SMG6: variants seen among roughly 807,000 people sequenced by gnomAD.
SMG6 encodes the protein SMG6 nonsense mediated mRNA decay factor.
A neutral mutation model predicts 142.2 loss-of-function variants in SMG6; 66 were observed. That is an observed-to-expected ratio of 0.46 (90% confidence interval 0.38 to 0.57). The LOEUF is 0.57. Among genes scored for constraint, SMG6 ranks in the 20% least tolerant of loss-of-function variants. The probability of loss-of-function intolerance (pLI) is 0.00; values close to 1 mark genes in which losing one functional copy is unlikely to be tolerated. For missense variants in SMG6, 1,793 were observed against 1,832.0 expected (o/e 0.98, Z 0.39); for synonymous variants, 779 against 702.4 (o/e 1.11, Z -1.72).
At chr17:2,207,284 CA>C (rs970618814) in intron 10 of SMG6, among the ~76,000 whole-genome samples, 1 of 151,826 alleles carries the variant, frequency 6.6e-6, no homozygotes, top group African/African-American at 2.4e-5. Flanking sequence ...GACTGTGACT[CA>C]AAAAAACAAA....
intron 8 of SMG6, among the ~76,000 whole-genome samples, chr17:2,280,039 T>G (rs1296000211): frequency 6.6e-6 from 1 of 152,104 alleles, no homozygotes; most frequent in East Asian, 1.9e-4. Context: ...CAAGTGCTCT[T>G]TGAGGTTAAA....
intron 16 of SMG6, among the ~76,000 whole-genome samples, chr17:2,067,184 G>A (rs2067976454): frequency 6.6e-6 from 1 of 152,170 alleles, no homozygotes; most frequent in South Asian, 2.1e-4. Flanking sequence ...GTATCTGCTG[G>A]GTTTTCTCAT....
At chr17:2,063,721 G>C (rs1381862965) in intron 18 of SMG6, among the ~76,000 whole-genome samples, 2 of 152,246 alleles carry the variant, frequency 1.3e-5, no homozygotes, top group African/African-American at 2.4e-5. Context: ...CTGGGGAGGA[G>C]TTTGGAGGAT....
At chr17:2,110,944 A>G (rs1236653971) in intron 13 of SMG6, among the ~76,000 whole-genome samples, 4 of 152,160 alleles carry the variant, frequency 2.6e-5, no homozygotes, top group Non-Finnish European at 5.9e-5. Flanking sequence ...TGTTACGGCA[A>G]GAGCTGCCTG....
chr17:2,159,159 G>A (rs888697895), intron 13 of SMG6, among the ~76,000 whole-genome samples: 2 of 152,216 alleles, frequency 1.3e-5, no homozygotes, highest in South Asian at 4.1e-4. Context: ...AGTGGCTCAC[G>A]CCTGTAATCT....
At chr17:2,063,446 G>GA (rs2067843296) in intron 18 of SMG6, among the ~76,000 whole-genome samples, 1 of 152,260 alleles carries the variant, frequency 6.6e-6, no homozygotes. Flanking sequence ...ATGTCATTCT[G>GA]ATAGGGGCGG....
chr17:2,291,204 G>T (rs541377137), intron 6 of SMG6, among the ~76,000 whole-genome samples: 1 of 152,062 alleles, frequency 6.6e-6, no homozygotes. Context: ...GGTGGCGGGC[G>T]CCTGTAGTCC....
At chr17:2,119,907 C>G (rs2069632734) in intron 13 of SMG6, among the ~76,000 whole-genome samples, 1 of 152,180 alleles carries the variant, frequency 6.6e-6, no homozygotes, top group Non-Finnish European at 1.5e-5. Flanking sequence ...CGCGATCCAC[C>G]CGCCTCGGCC....
At chr17:2,111,483 C>A (rs2069317636) in intron 13 of SMG6, among the ~76,000 whole-genome samples, 1 of 152,106 alleles carries the variant, frequency 6.6e-6, no homozygotes, top group Non-Finnish European at 1.5e-5. Context: ...GTGATCATAG[C>A]TCACTGCAGC....
At chr17:2,120,807 C>A (rs575794721) in intron 13 of SMG6, among the ~76,000 whole-genome samples, 3 of 152,138 alleles carry the variant, frequency 2.0e-5, no homozygotes, top group Non-Finnish European at 4.4e-5. Flanking sequence ...TCACCACACA[C>A]CTACCAGAAA....
intron 16 of SMG6, among the ~76,000 whole-genome samples, chr17:2,067,373 C>T (rs2067981676): frequency 6.6e-6 from 1 of 152,170 alleles, no homozygotes; most frequent in Non-Finnish European, 1.5e-5. Flanking sequence ...TCTGAGGCAC[C>T]TTACGGCTCT....
intron 2 of SMG6, 96 bp downstream of exon 2, chr17:2,298,810 G>T: frequency 8.9e-7 from 1 of 1,128,198 alleles, no homozygotes; most frequent in Non-Finnish European, 1.3e-6. Flanking sequence ...ATACCCAGTG[G>T]CTCAGCTAAA....
At chr17:2,087,293 T>A in intron 13 of SMG6, 2 of 1,264,578 alleles carry the variant, frequency 1.6e-6, no homozygotes, top group South Asian at 1.3e-5. Flanking sequence ...GCATGACCCA[T>A]GTTCTCTAAG....
chr17:2,299,976 G>A lies in SMG6; in HGVS notation c.777C>T (p.Thr259=). 1 of 1,614,110 alleles carries A rather than the reference G, an allele frequency of 6.2e-7. No individual in the cohort carries two copies. The highest frequency in any genetic ancestry group is 8.5e-7 in the Non-Finnish European group (1 of 1,180,038). The change falls in exon 2 of 19, where the codon ACC becomes ACT. Residue 259 remains threonine (T), a synonymous_variant. Coordinates refer to ENST00000263073, the MANE Select transcript of SMG6 (RefSeq NM_017575.5). This position sits in a 1 kb window ranked among gnomAD's most constrained non-coding sequence, Gnocchi z 4.3. ...CGCTGTTGTTGCTGCCAGCTGAGCT[G>A]GTGCTGCGCGTGCGGTAGCGATTCC... ...KRRNRYRTRS[T]SSAGSNNSAE... is the part of the protein sequence containing the mutation.
chr17:2,184,020 C>CCAGACA (rs2071891177), intron 12 of SMG6, among the ~76,000 whole-genome samples: 3 of 152,114 alleles, frequency 2.0e-5, no homozygotes, highest in Non-Finnish European at 4.4e-5. Flanking sequence ...ACTCACAGAC[C>CCAGACA]CAGACACAGA....
chr17:2,142,490 A>G (rs765960560), intron 13 of SMG6, among the ~76,000 whole-genome samples: 1 of 151,234 alleles, frequency 6.6e-6, no homozygotes, highest in Non-Finnish European at 1.5e-5. Flanking sequence ...CTGTCTGTCT[A>G]TCTATCTATG....
Position 2,134,419 on chromosome 17 carries a change from C to CAAAAAAA in SMG6, c.3357+38232_3357+38238dup, listed in dbSNP as rs58429166. On this transcript the variant is annotated intron_variant, in intron 13 of 18. Coordinates refer to ENST00000263073, the MANE Select transcript of SMG6 (RefSeq NM_017575.5). ...GGGCGATAAGAGCGAGACTCCATCT[C>CAAAAAAA]AAAAAAAAAAAAAAAAAAAAAAAAA... 2.3e-3 allele frequency among the ~76,000 whole-genome samples: 65 copies of CAAAAAAA among 28,682 alleles called. 1 individual carries two copies. Among genetic ancestry groups the CAAAAAAA allele is most frequent in the East Asian group, 5.1e-3 (2 of 394 alleles). 18.8% of individuals were successfully genotyped at this position (28,682 alleles called of 152,430 possible). A position where few individuals can be genotyped will look rare whatever the true frequency, so the allele number is the denominator to read the frequency against.
intron 10 of SMG6, among the ~76,000 whole-genome samples, chr17:2,196,290 C>A (rs140062307): frequency 6.6e-6 from 1 of 152,082 alleles, no homozygotes; most frequent in East Asian, 1.9e-4. Flanking sequence ...GGCGTGGCGG[C>A]GCGTGCCTGT....
At chr17:2,118,990 TC>T (rs1315267070) in intron 13 of SMG6, among the ~76,000 whole-genome samples, 6 of 150,734 alleles carry the variant, frequency 4.0e-5, no homozygotes, top group Non-Finnish European at 8.8e-5. Flanking sequence ...AACCTCCGTC[TC>T]CCGGTTCAAG....
Sources: allele counts gnomAD v4.1 joint callset (sites outside exome capture counted in the v4.1 genomes callset), GRCh38; gene constraint gnomAD v4.1.1; non-coding constraint Gnocchi (gnomAD v3.1); transcripts MANE v1.5; gene names NCBI Gene and HGNC (gene_info 2026-07-23, HGNC 2026-07-21).